The following ZFHX3 variants were observed in gnomAD, a reference collection of about 807,000 sequenced individuals.
ZFHX3 encodes the protein zinc finger homeobox 3.
ZFHX3 carries 42 observed loss-of-function variants against 279.1 expected under a neutral mutation model. The ratio of observed to expected loss-of-function variants is 0.15; its 90% CI spans 0.12 to 0.19. The LOEUF (loss-of-function observed/expected upper bound fraction) is 0.19, where lower values mean the gene tolerates loss of function less well. ZFHX3 is among the 10% of genes least tolerant of loss of function. The probability of loss-of-function intolerance (pLI) is 1.00; values close to 1 mark genes in which losing one functional copy is unlikely to be tolerated. For synonymous variants in ZFHX3, 2,293 were observed against 1,957.8 expected (o/e 1.17, Z -4.52); for missense variants, 4,981 against 4,754.0 (o/e 1.05, Z -1.40).
chr16:73,390,871 C>T (rs563367912), intron 3 of ZFHX3, among the ~76,000 whole-genome samples: 17 of 152,150 alleles, frequency 1.1e-4, no homozygotes, highest in Non-Finnish European at 1.8e-4. Flanking sequence ...AACAACCCCC[C>T]CAAAAGAGGG....
At chr16:73,653,601 T>C (rs565881886) in intron 2 of ZFHX3, among the ~76,000 whole-genome samples, 1 of 152,216 alleles carries the variant, frequency 6.6e-6, no homozygotes, top group South Asian at 2.1e-4. Flanking sequence ...ACAAATTTAT[T>C]AGTGAAAATT....
At chr16:72,991,583 G>A (rs2106254) in intron 1 of ZFHX3, among the ~76,000 whole-genome samples, 37,653 of 152,158 alleles carry the variant, frequency 0.25, 5,173 homozygotes, top group East Asian at 0.51. Flanking sequence ...ATGCTTAATA[G>A]GGGTTAGCTA....
At chr16:73,440,903 T>A (rs983678520) in intron 3 of ZFHX3, among the ~76,000 whole-genome samples, 1 of 152,232 alleles carries the variant, frequency 6.6e-6, no homozygotes, top group Non-Finnish European at 1.5e-5. Flanking sequence ...TGCCAGCTTT[T>A]AGCAAATAGA....
chr16:73,075,808 A>G (rs1965882139), intron 8 of ZFHX3, among the ~76,000 whole-genome samples: 1 of 151,912 alleles, frequency 6.6e-6, no homozygotes, highest in South Asian at 2.1e-4. Flanking sequence ...TAATTTTTGT[A>G]TTTTTGGTGG....
intron 1 of ZFHX3, among the ~76,000 whole-genome samples, chr16:73,039,703 T>C (rs1230227227): frequency 6.6e-6 from 1 of 151,858 alleles, no homozygotes; most frequent in East Asian, 1.9e-4. Context: ...CTTTTTTTAT[T>C]TTTTTATTTT....
intron 1 of ZFHX3, 148 bp from the exon 2 acceptor site, chr16:72,960,342 G>A (rs781411047): frequency 7.4e-5 from 44 of 592,736 alleles, no homozygotes; most frequent in Non-Finnish European, 9.5e-5. Flanking sequence ...GGCGGAGGGC[G>A]GGCCTGGGGA....
chr16:72,935,993 C>T (rs1051424661), intron 3 of ZFHX3, among the ~76,000 whole-genome samples: 2 of 152,102 alleles, frequency 1.3e-5, no homozygotes, highest in African/African-American at 2.4e-5. Flanking sequence ...AGAATTTGGG[C>T]GGACAGAGCC....
intron 2 of ZFHX3, among the ~76,000 whole-genome samples, chr16:73,509,692 T>TA (rs1491146377): frequency 2.7e-5 from 1 of 37,468 alleles, no homozygotes; most frequent in Non-Finnish European, 5.9e-5. Context: ...GCCCGGCTGA[T>TA]TTTTTTTTTT....
intron 1 of ZFHX3, among the ~76,000 whole-genome samples, chr16:73,744,717 C>G (rs1305865580): frequency 6.6e-6 from 1 of 152,144 alleles, no homozygotes; most frequent in Non-Finnish European, 1.5e-5. Context: ...CAAAGCAAAA[C>G]CCATTTGATT....
In ZFHX3 at chr16:72,816,887, A is replaced by G. The variant is rs138815288; in HGVS notation, c.3530-4849T>C. Among the ~76,000 whole-genome samples, 312 of 152,332 alleles carry G rather than the reference A, an allele frequency of 2.0e-3. 2 individuals are homozygous for G. Among genetic ancestry groups the G allele is most frequent in the Non-Finnish European group, 3.4e-3 (232 of 68,028 alleles). On this transcript the variant is annotated intron_variant, in intron 5 of 9. Transcript: ENST00000268489. ...TATGCATGGAGACACCAACTTCCAG[A>G]TATCCTTTGATTTTATCATATTTGT...
intron 4 of ZFHX3, among the ~76,000 whole-genome samples, chr16:72,851,417 G>T (rs919908896): frequency 1.3e-5 from 2 of 152,188 alleles, no homozygotes; most frequent in Non-Finnish European, 2.9e-5. Context: ...TCCAGAGAGA[G>T]TACTCTTGGG....
chr16:73,597,745 G>A (rs1169809172), intron 2 of ZFHX3, among the ~76,000 whole-genome samples: 5 of 152,092 alleles, frequency 3.3e-5, no homozygotes, highest in African/African-American at 4.8e-5. Context: ...GCACAGCTCT[G>A]CCAACACCTT....
At chr16:73,400,564 A>G (rs2017230312) in intron 3 of ZFHX3, 1 of 152,166 alleles carries the variant, frequency 6.6e-6, no homozygotes, top group South Asian at 2.1e-4. Context: ...AATCTTGCAT[A>G]ATCTATAATA....
At chr16:73,443,071 C>T (rs553948018) in intron 3 of ZFHX3, among the ~76,000 whole-genome samples, 28 of 152,312 alleles carry the variant, frequency 1.8e-4, no homozygotes, top group African/African-American at 6.7e-4. Context: ...ATCTCTGAAT[C>T]CAGTCATGTT....
chr16:73,121,822 A>G (rs1373819844), intron 7 of ZFHX3, among the ~76,000 whole-genome samples: 2 of 151,840 alleles, frequency 1.3e-5, no homozygotes, highest in Non-Finnish European at 2.9e-5. Flanking sequence ...TCACCATGTT[A>G]GTCCGGATGG....
intron 7 of ZFHX3, chr16:72,807,688 T>A (rs2036311424): frequency 6.6e-6 from 1 of 152,166 alleles, no homozygotes; most frequent in Admixed American, 6.5e-5. Context: ...TCAAGCTAAA[T>A]CCTGAGACTT....
intron 8 of ZFHX3, among the ~76,000 whole-genome samples, chr16:73,086,915 A>C (rs185790199): frequency 1.8e-4 from 27 of 152,268 alleles, no homozygotes; most frequent in African/African-American, 4.6e-4. Flanking sequence ...AAAACAAAAC[A>C]AAACAGAAAA....
chr16:73,105,366 C>T (rs59245100), intron 7 of ZFHX3, among the ~76,000 whole-genome samples: 4,784 of 43,986 alleles, frequency 0.11, 414 homozygotes, highest in African/African-American at 0.34. Flanking sequence ...CATATATATA[C>T]ACACATATAT....
At chr16:72,898,894 C>A (rs2038965225) in intron 3 of ZFHX3, among the ~76,000 whole-genome samples, 2 of 151,994 alleles carry the variant, frequency 1.3e-5, no homozygotes, top group South Asian at 4.2e-4. Flanking sequence ...ATGTCACAAG[C>A]AAAATGAGGA....
Sources: gnomAD v4.1 joint callset for allele counts (sites outside exome capture counted in the v4.1 genomes callset) on GRCh38, gnomAD v4.1.1 for gene constraint, MANE v1.5 for transcripts, NCBI Gene and HGNC (gene_info 2026-07-23, HGNC 2026-07-21) for gene names.